Variants in OPHN1 observed in about 807,000 individuals in gnomAD.
OPHN1 encodes the protein oligophrenin-1.
In OPHN1, 11 loss-of-function variants were observed where a neutral mutation model predicts 60.7. The observed-to-expected ratio is 0.18, with a 90% CI of 0.11 to 0.30. The LOEUF (loss-of-function observed/expected upper bound fraction) is 0.30, where lower values mean the gene tolerates loss of function less well. Ranked by LOEUF, OPHN1 falls within the 10% of genes least tolerant of loss-of-function variation. The probability of loss-of-function intolerance (pLI) is 1.00; values close to 1 mark genes in which losing one functional copy is unlikely to be tolerated. For synonymous variants in OPHN1, 226 were observed against 222.6 expected (o/e 1.02, Z -0.14); for missense variants, 449 against 611.0 (o/e 0.73, Z 2.80).
At chrX:68,106,109 A>AGG (rs1260018191) in intron 18 of OPHN1, among the ~76,000 whole-genome samples, 1 of 102,931 alleles carries the variant, frequency 9.7e-6, no homozygotes, top group African/African-American at 3.6e-5. Context: ...GAGAGAAGAG[A>AGG]GAGAGAGAGA....
At chrX:68,273,616 G>A (rs756367509) in intron 5 of OPHN1, among the ~76,000 whole-genome samples, 7 of 112,145 alleles carry the variant, frequency 6.2e-5, no homozygotes, top group Non-Finnish European at 1.3e-4. Context: ...CACTTGAAAT[G>A]TGGCTAGAAA....
intron 2 of OPHN1, among the ~76,000 whole-genome samples, chrX:68,392,574 G>A (rs73634117): frequency 0.057 from 6,248 of 109,532 alleles, 441 homozygotes; most frequent in African/African-American, 0.2. Context: ...GGAGACCCAC[G>A]GCCCTAAATG....
intron 2 of OPHN1, among the ~76,000 whole-genome samples, chrX:68,312,311 G>C (rs2078178156): frequency 1.0e-5 from 1 of 96,498 alleles, no homozygotes; most frequent in African/African-American, 4.0e-5. Flanking sequence ...GCCCAGACTG[G>C]TCTGAAACTC....
intron 5 of OPHN1, among the ~76,000 whole-genome samples, chrX:68,257,057 CA>C (rs1195225414): frequency 3.8e-5 from 4 of 106,157 alleles, no homozygotes; most frequent in Admixed American, 1.0e-4. Context: ...AAAAAAAAGA[CA>C]AAAAAAAAGA....
intron 2 of OPHN1, among the ~76,000 whole-genome samples, chrX:68,398,888 G>T (rs2078699022): frequency 1.8e-5 from 2 of 110,932 alleles, no homozygotes; most frequent in African/African-American, 6.6e-5. Flanking sequence ...GGCAGAGTTT[G>T]CAGTGAGCTG....
At chrX:68,349,612 T>C (rs1364264570) in intron 2 of OPHN1, among the ~76,000 whole-genome samples, 6 of 112,000 alleles carry the variant, frequency 5.4e-5, no homozygotes, top group Non-Finnish European at 9.4e-5. Context: ...TGCACACGTA[T>C]GTTTATTGTG....
chrX:68,150,037 A>G (rs1228070594), intron 15 of OPHN1, among the ~76,000 whole-genome samples: 1 of 112,004 alleles, frequency 8.9e-6, no homozygotes, highest in African/African-American at 3.2e-5. Flanking sequence ...TCAGTGAAAG[A>G]GGCCTAACAT....
intron 19 of OPHN1, among the ~76,000 whole-genome samples, chrX:68,082,832 C>A (rs1248218926): frequency 1.8e-5 from 2 of 111,592 alleles, no homozygotes; most frequent in African/African-American, 6.5e-5. Flanking sequence ...GACTTCTTTG[C>A]AGCTATGAAA....
At chrX:68,164,702 C>T (rs2077350009) in intron 15 of OPHN1, among the ~76,000 whole-genome samples, 1 of 111,995 alleles carries the variant, frequency 8.9e-6, no homozygotes, top group Admixed American at 9.5e-5. Flanking sequence ...GTTGCATTAG[C>T]CACTAACAAA....
At chrX:68,199,976 G>A (rs972035861) in intron 11 of OPHN1, among the ~76,000 whole-genome samples, 1 of 112,071 alleles carries the variant, frequency 8.9e-6, no homozygotes, top group Non-Finnish European at 1.9e-5. Context: ...CAGGAGACTC[G>A]TTTGAGCCCA....
In OPHN1 at chrX:68,345,510, T is replaced by G. The variant is rs147680573; in HGVS notation, c.155-46414A>C. ...TGGAGGTGGGTTTTACAAAATGAGA[T>G]TTGTTTTAAAAACCTCACAATTGGT... On this transcript the variant is annotated intron_variant, in intron 2 of 24. Coordinates refer to ENST00000355520, the MANE Select transcript of OPHN1 (RefSeq NM_002547.3). 7.3e-3 allele frequency among the ~76,000 whole-genome samples: 816 copies of G among 112,488 alleles called. 10 individuals are homozygous for G. Among genetic ancestry groups the G allele is most frequent in the African/African-American group, 0.025 (779 of 31,002 alleles).
intron 5 of OPHN1, among the ~76,000 whole-genome samples, chrX:68,239,304 T>A (rs1316988716): frequency 9.1e-6 from 1 of 110,054 alleles, no homozygotes; most frequent in African/African-American, 3.3e-5. Context: ...TCTGCGGCTG[T>A]GTTCTTCCGC....
At chrX:68,315,736 C>T (rs1206705580) in intron 2 of OPHN1, among the ~76,000 whole-genome samples, 1 of 109,226 alleles carries the variant, frequency 9.2e-6, no homozygotes, top group African/African-American at 3.3e-5. Flanking sequence ...AAAACCAACA[C>T]AAAAAAAACA....
intron 12 of OPHN1, among the ~76,000 whole-genome samples, chrX:68,195,305 A>T (rs895745334): frequency 6.3e-5 from 7 of 111,929 alleles, no homozygotes; most frequent in Non-Finnish European, 1.3e-4. Flanking sequence ...CTGGTTGATG[A>T]ATACTTCTCT....
chrX:68,210,010 TC>T, intron 9 of OPHN1, 142 bp downstream of exon 9: 4 of 577,310 alleles, frequency 6.9e-6, no homozygotes, highest in Admixed American at 2.9e-5. Flanking sequence ...TTTTTTGTTT[TC>T]AGTATTCCCT....
At chrX:68,049,531 T>C (rs1357606961) in intron 23 of OPHN1, among the ~76,000 whole-genome samples, 1 of 111,745 alleles carries the variant, frequency 8.9e-6, no homozygotes, top group Non-Finnish European at 1.9e-5. Context: ...GGCCAGGGCT[T>C]CCCCAACTCT....
rs193119038 is a variant in OPHN1 at position 68,338,098 on chromosome X, C to T, written c.155-39002G>A. On this transcript the variant is annotated intron_variant, in intron 2 of 24. Coordinates refer to ENST00000355520, the MANE Select transcript of OPHN1 (RefSeq NM_002547.3). The stretch of plus-strand genomic sequence containing the variant: ...CTTGAACTCCTGAGCTCAAGTTATC[C>T]GCCCACCTCGGCTCTTCCCAAAGTG... Among the ~76,000 whole-genome samples the T allele has an allele frequency of 5.4e-5, 6 of 111,339 alleles. No individual in the cohort carries two copies. The East Asian group carries it at 8.5e-4, about 16-fold the overall frequency.
intron 15 of OPHN1, among the ~76,000 whole-genome samples, chrX:68,139,877 C>T (rs553318419): frequency 9.0e-6 from 1 of 111,694 alleles, no homozygotes; most frequent in Non-Finnish European, 1.9e-5. Flanking sequence ...ACCCAGACAC[C>T]AACCTCTTAA....
chrX:68,089,478 T>A (rs1165369188), intron 19 of OPHN1, among the ~76,000 whole-genome samples: 1 of 111,787 alleles, frequency 8.9e-6, no homozygotes, highest in Admixed American at 9.5e-5. Flanking sequence ...TGTAAGTAAA[T>A]ACTACATAAA....
Sources: allele counts gnomAD v4.1 joint callset (sites outside exome capture counted in the v4.1 genomes callset), GRCh38; gene constraint gnomAD v4.1.1; transcripts MANE v1.5; gene names NCBI Gene and HGNC (gene_info 2026-07-23, HGNC 2026-07-21).